GALNT13: variants seen among roughly 807,000 people sequenced by gnomAD.
GALNT13 encodes UDP-GalNAc:polypeptide N-acetylgalactosaminyltransferase 13.
Under a neutral mutation model 64.2 loss-of-function variants are expected in GALNT13, and 28 were observed. The ratio of observed to expected loss-of-function variants is 0.44; its 90% CI spans 0.32 to 0.60. The LOEUF (loss-of-function observed/expected upper bound fraction) is 0.60. GALNT13 is among the 20% of genes least tolerant of loss of function. The pLI, the probability that GALNT13 is intolerant of heterozygous loss-of-function variation, is 0.05. For missense variants in GALNT13, 577 were observed against 669.8 expected, an observed-to-expected ratio of 0.86 and a Z score of 1.53; for synonymous variants, 214 against 224.6, an observed-to-expected ratio of 0.95 and a Z score of 0.42.
At chr2:153,937,915 A>C (rs1691061476) in intron 2 of GALNT13, among the ~76,000 whole-genome samples, 2 of 152,220 alleles carry the variant, frequency 1.3e-5, no homozygotes, top group Non-Finnish European at 2.9e-5. Flanking sequence ...GCAGGACCTA[A>C]AGCCTGTGAA....
chr2:153,099,599 A>G, the GALNT13 span, among the ~76,000 whole-genome samples: 1 of 152,212 alleles, frequency 6.6e-6, no homozygotes, highest in South Asian at 2.1e-4. Flanking sequence ...TTAAATGGCT[A>G]AACATTTTAC....
At chr2:153,284,002 C>T in the GALNT13 span, among the ~76,000 whole-genome samples, 1 of 152,176 alleles carries the variant, frequency 6.6e-6, no homozygotes, top group Non-Finnish European at 1.5e-5. Context: ...GCTGCGAATG[C>T]TCTAAATACC....
At chr2:153,721,390 G>T in the GALNT13 span, among the ~76,000 whole-genome samples, 237 of 141,722 alleles carry the variant, frequency 1.7e-3, 1 homozygote, top group African/African-American at 5.6e-3. Flanking sequence ...AGACTAGGAA[G>T]AAACTGCATC....
At chr2:154,071,475 C>T (rs1700738214) in intron 3 of GALNT13, among the ~76,000 whole-genome samples, 1 of 152,088 alleles carries the variant, frequency 6.6e-6, no homozygotes, top group Admixed American at 6.6e-5. Context: ...CATGCAATTT[C>T]ATCTTTTTGT....
At chr2:153,819,877 G>A in the GALNT13 span, among the ~76,000 whole-genome samples, 1 of 152,130 alleles carries the variant, frequency 6.6e-6, no homozygotes, top group Admixed American at 6.5e-5. Context: ...ACCACCAAAG[G>A]ATCACTCTAG....
At chr2:154,052,836 T>A (rs1478216094) in intron 3 of GALNT13, among the ~76,000 whole-genome samples, 3 of 151,240 alleles carry the variant, frequency 2.0e-5, no homozygotes, top group South Asian at 2.1e-4. Flanking sequence ...TCCCGGGTTC[T>A]CGCCATTCTT....
At chr2:153,287,382 CCT>C in the GALNT13 span, among the ~76,000 whole-genome samples, 2 of 152,162 alleles carry the variant, frequency 1.3e-5, no homozygotes, top group African/African-American at 4.8e-5. Context: ...TCAGTTAGAC[CCT>C]CTCTGCCTTG....
the GALNT13 span, among the ~76,000 whole-genome samples, chr2:153,259,819 A>T: frequency 6.6e-6 from 1 of 152,294 alleles, no homozygotes; most frequent in East Asian, 1.9e-4. Context: ...AAATTATCTA[A>T]CATACTTGCC....
chr2:154,121,731 C>T (rs532783335), intron 3 of GALNT13, among the ~76,000 whole-genome samples: 11 of 148,350 alleles, frequency 7.4e-5, no homozygotes, highest in South Asian at 4.4e-4. Flanking sequence ...TTATTGGTTT[C>T]GGGAATTTTT....
At chr2:153,678,647 A>G in the GALNT13 span, among the ~76,000 whole-genome samples, 23 of 152,088 alleles carry the variant, frequency 1.5e-4, no homozygotes, top group African/African-American at 5.5e-4. Context: ...TAACAAACCT[A>G]CACATTTACC....
chr2:153,227,301 T>C, the GALNT13 span, among the ~76,000 whole-genome samples: 8 of 152,172 alleles, frequency 5.3e-5, no homozygotes, highest in Non-Finnish European at 1.2e-4. Context: ...CATTGGCAAA[T>C]TGCAGGACTG....
the GALNT13 span, among the ~76,000 whole-genome samples, chr2:153,663,425 A>G: frequency 1.3e-5 from 2 of 152,282 alleles, no homozygotes; most frequent in South Asian, 4.1e-4. Flanking sequence ...TCGATAATAA[A>G]TCACCATTTA....
the GALNT13 span, among the ~76,000 whole-genome samples, chr2:153,686,113 C>A: frequency 6.6e-6 from 1 of 151,986 alleles, no homozygotes; most frequent in Admixed American, 6.6e-5. Context: ...TTAGGATTTC[C>A]TTGGCTGTTC....
the GALNT13 span, among the ~76,000 whole-genome samples, chr2:153,699,701 A>C: frequency 6.6e-6 from 1 of 152,210 alleles, no homozygotes; most frequent in East Asian, 1.9e-4. Flanking sequence ...ACATCAGAGA[A>C]TGCTAGAAAC....
Position 154,409,052 on chromosome 2 carries a change from A to T in GALNT13, c.1365A>T (p.Ile455=), listed in dbSNP as rs1266065212. ...MGRKENEKVG[I]FNCHGMGGNQ... ...GCAAGGAAAATGAAAAAGTGGGTAT[A>T]TTCAACTGTCATGGTATGGGAGGAA... is the stretch of plus-strand genomic sequence containing the variant. Residue 455 remains isoleucine (I), a synonymous_variant, in exon 11 of 13, where the codon ATA becomes ATT. Coordinates refer to ENST00000392825, the MANE Select transcript of GALNT13 (RefSeq NM_052917.4). The T allele has an allele frequency of 6.2e-7, 1 of 1,610,262 alleles. No individual in the cohort carries two copies. Among genetic ancestry groups the T allele is most frequent in the African/African-American group, 1.3e-5 (1 of 74,798 alleles).
chr2:153,385,126 AG>A, the GALNT13 span, among the ~76,000 whole-genome samples: 1 of 152,220 alleles, frequency 6.6e-6, no homozygotes, highest in Non-Finnish European at 1.5e-5. Context: ...AATAGTTTGG[AG>A]GTTCCTCAAA....
At chr2:153,839,788 T>C in the GALNT13 span, among the ~76,000 whole-genome samples, 1 of 151,978 alleles carries the variant, frequency 6.6e-6, no homozygotes, top group African/African-American at 2.4e-5. Context: ...TTAGATGATC[T>C]TTCTATTTGA....
At position 153,999,705 on chromosome 2, in the gene GALNT13, G is replaced by A. The variant is rs141520434; in HGVS notation, c.142+55066G>A. 5.9e-3 allele frequency among the ~76,000 whole-genome samples: 893 copies of A among 151,972 alleles called. 8 individuals carry two copies. Among genetic ancestry groups the A allele is most frequent in the African/African-American group, 0.02 (821 of 41,502 alleles). ...AGTATATTCTTTATAATATATTGTCGATTCTGGTTTGCCAGTATTTTGTTG... is the reference window on the plus strand; with the variant it reads ...AGTATATTCTTTATAATATATTGTCAATTCTGGTTTGCCAGTATTTTGTTG... On this transcript the variant is annotated intron_variant, in intron 3 of 12. Transcript: ENST00000392825.
At chr2:154,137,059 A>G (rs932406939) in intron 3 of GALNT13, among the ~76,000 whole-genome samples, 5 of 152,080 alleles carry the variant, frequency 3.3e-5, no homozygotes, top group Non-Finnish European at 5.9e-5. Context: ...AGAAAAATGT[A>G]TAGAAACTGA....
Sources: allele counts gnomAD v4.1 joint callset (sites outside exome capture counted in the v4.1 genomes callset), GRCh38; gene constraint gnomAD v4.1.1; transcripts MANE v1.5; gene names NCBI Gene and HGNC (gene_info 2026-07-23, HGNC 2026-07-21).